CTNND2: variants seen among roughly 807,000 people sequenced by gnomAD.
The protein encoded by CTNND2 is catenin delta-2.
CTNND2 carries 22 observed loss-of-function variants against 144.4 expected under a neutral mutation model. The observed-to-expected ratio is 0.15, with a 90% CI of 0.11 to 0.22. CTNND2 has a LOEUF of 0.22. Ranked by LOEUF, CTNND2 falls within the 10% of genes least tolerant of loss-of-function variation. The probability of loss-of-function intolerance (pLI) is 1.00; values close to 1 mark genes in which losing one functional copy is unlikely to be tolerated. For missense variants in CTNND2, 1,353 were observed against 1,618.8 expected, an observed-to-expected ratio of 0.84 and a Z score of 2.82; for synonymous variants, 751 against 695.6, an observed-to-expected ratio of 1.08 and a Z score of -1.25.
intron 14 of CTNND2, 121 bp from the exon 15 acceptor site, chr5:11,098,869 A>T (rs1031181051): frequency 1.2e-6 from 1 of 851,316 alleles, no homozygotes; most frequent in African/African-American, 1.7e-5. Flanking sequence ...CTGAACATAG[A>T]CTGCACGGAG....
intron 18 of CTNND2, among the ~76,000 whole-genome samples, chr5:10,995,843 G>A (rs1048576033): frequency 6.6e-6 from 1 of 152,146 alleles, no homozygotes; most frequent in East Asian, 1.9e-4. Context: ...ACTGGTAGAT[G>A]GGGTGACAGG....
At position 11,415,297 on chromosome 5, in the gene CTNND2, T is replaced by C. The variant is rs1286085621; in HGVS notation, c.288-3228A>G. On this transcript the variant is annotated intron_variant, in intron 3 of 21. Transcript: ENST00000304623. ...CAGCCATTCTTTCAAAATCAAGTCA[T>C]GGTGGCGCTAGGCATGGTGACTCAT... 3.3e-5 allele frequency among the ~76,000 whole-genome samples: 5 copies of C among 152,270 alleles called. No individual in the cohort carries two copies. In the East Asian group the frequency reaches 9.7e-4, roughly 29 times the overall value.
intron 11 of CTNND2, among the ~76,000 whole-genome samples, chr5:11,185,539 C>A (rs1423101841): frequency 6.6e-6 from 1 of 152,224 alleles, no homozygotes; most frequent in Non-Finnish European, 1.5e-5. Flanking sequence ...TTCTTCTGGG[C>A]ATTCCCTGGG....
rs1399035059 is a variant in CTNND2, at chr5:11,879,914, G to GA, written c.37+23902dup. ...GGTCACATGGCCCACTCGGCCTGAC[G>GA]AAATAGGGACATACGACTCAATTTT... On this transcript the variant is annotated intron_variant, in intron 1 of 21. Coordinates refer to ENST00000304623, the MANE Select transcript of CTNND2 (RefSeq NM_001332.4). Among the ~76,000 whole-genome samples, 26 of 152,236 alleles carry GA rather than the reference G, an allele frequency of 1.7e-4. No homozygotes were observed. In the East Asian group the frequency reaches 4.1e-3, roughly 24 times the overall value.
intron 1 of CTNND2, among the ~76,000 whole-genome samples, chr5:11,893,146 C>T (rs1162918460): frequency 6.6e-6 from 1 of 152,162 alleles, no homozygotes; most frequent in Non-Finnish European, 1.5e-5. Context: ...ACTCTGTAAA[C>T]ATACAGTATT....
chr5:11,315,069 A>G (rs969420059), intron 9 of CTNND2, among the ~76,000 whole-genome samples: 2 of 152,004 alleles, frequency 1.3e-5, no homozygotes, highest in African/African-American at 4.8e-5. Flanking sequence ...ATAAATTCCC[A>G]GTTTTTTTAA....
At chr5:11,106,914 T>C (rs1481800126) in intron 14 of CTNND2, among the ~76,000 whole-genome samples, 1 of 152,152 alleles carries the variant, frequency 6.6e-6, no homozygotes, top group Non-Finnish European at 1.5e-5. Flanking sequence ...TTCCCCCATT[T>C]CTGCTCCTGA....
At chr5:11,551,738 A>G (rs917062157) in intron 3 of CTNND2, among the ~76,000 whole-genome samples, 14 of 152,208 alleles carry the variant, frequency 9.2e-5, no homozygotes, top group Admixed American at 2.6e-4. Context: ...AGCTGGGATT[A>G]CAGGCACCCG....
chr5:11,061,061 T>C lies in CTNND2; in HGVS notation c.2788+21635A>G, dbSNP rs149437084. Among the ~76,000 whole-genome samples, 708 of 152,346 alleles carry C rather than the reference T, an allele frequency of 4.6e-3. 8 individuals carry two copies. Among genetic ancestry groups the C allele is most frequent in the African/African-American group, 0.016 (670 of 41,588 alleles). On this transcript the variant is annotated intron_variant, in intron 16 of 21. Coordinates refer to ENST00000304623, the MANE Select transcript of CTNND2 (RefSeq NM_001332.4). ...TTTCTACGTGGCATGTCCCCTTTCATGTCTCACAGATATTTCAAACTTTCA... is the reference window on the plus strand; with the variant it reads ...TTTCTACGTGGCATGTCCCCTTTCACGTCTCACAGATATTTCAAACTTTCA...
intron 2 of CTNND2, among the ~76,000 whole-genome samples, chr5:11,731,359 AGATGTTCCTGGAGTCAGG>A (rs1345305047): frequency 3.9e-5 from 6 of 152,190 alleles, no homozygotes; most frequent in African/African-American, 1.4e-4. Flanking sequence ...CGCTCTGCTG[AGATGTTCCTGGAGTCAGG>A]TAAGTTGCCA....
At chr5:11,160,983 A>G (rs1387198415) in intron 11 of CTNND2, among the ~76,000 whole-genome samples, 1 of 152,246 alleles carries the variant, frequency 6.6e-6, no homozygotes, top group Non-Finnish European at 1.5e-5. Context: ...ACAGAGGCAA[A>G]CTCAACTGTC....
In CTNND2 at chr5:11,236,886, T is replaced by G. The variant is rs143745237; in HGVS notation, c.1629-63A>C. On this transcript the variant is annotated intron_variant, in intron 9 of 21. Transcript: ENST00000304623. ...GAAATCCTACCACACTGTTAACACATGGTTAGCTCGTGTATGAAATGTACC... is the reference window on the plus strand; with the variant it reads ...GAAATCCTACCACACTGTTAACACAGGGTTAGCTCGTGTATGAAATGTACC... 2.1e-4 allele frequency: 321 copies of G among 1,557,402 alleles called. 3 individuals are homozygous for G. The Middle Eastern group carries it at 2.8e-3, about 13-fold the overall frequency.
chr5:11,176,391 G>A (rs1760483425), intron 11 of CTNND2, among the ~76,000 whole-genome samples: 1 of 152,004 alleles, frequency 6.6e-6, no homozygotes, highest in African/African-American at 2.4e-5. Flanking sequence ...TTGGAAACAT[G>A]TAGCCACCGA....
At chr5:11,006,054 A>C (rs79934497) in intron 18 of CTNND2, among the ~76,000 whole-genome samples, 21,026 of 152,126 alleles carry the variant, frequency 0.14, 1,486 homozygotes, top group Non-Finnish European at 0.15. Flanking sequence ...CTATTAAAAA[A>C]AACAACAACA....
At position 11,708,320 on chromosome 5, in the gene CTNND2, G is replaced by A. The variant is rs140683325; in HGVS notation, c.174+23816C>T. 6.8e-3 allele frequency among the ~76,000 whole-genome samples: 1,042 copies of A among 152,126 alleles called. 10 individuals are homozygous for A. The highest frequency in any genetic ancestry group is 0.024 in the African/African-American group (976 of 41,490). On this transcript the variant is annotated intron_variant, in intron 2 of 21. Transcript: ENST00000304623. ...ATTTTTACTATAATATATAATGTGC[G>A]TCAGTTTGCTAAGGAAAAAAGCAAT... is the stretch of plus-strand genomic sequence containing the variant.
chr5:11,859,480 G>A (rs578229569), intron 1 of CTNND2, among the ~76,000 whole-genome samples: 67 of 152,214 alleles, frequency 4.4e-4, no homozygotes, highest in East Asian at 4.2e-3. Context: ...GTTCTTGAAC[G>A]AAAACAAGTT....
intron 1 of CTNND2, among the ~76,000 whole-genome samples, chr5:11,733,765 G>C (rs925024477): frequency 1.3e-5 from 2 of 152,172 alleles, no homozygotes; most frequent in African/African-American, 2.4e-5. Context: ...GTGAAAGAAA[G>C]CAGAAACTCA....
At chr5:11,823,261 A>C (rs1167410640) in intron 1 of CTNND2, among the ~76,000 whole-genome samples, 1 of 152,230 alleles carries the variant, frequency 6.6e-6, no homozygotes, top group Non-Finnish European at 1.5e-5. Context: ...TGAAAAGATG[A>C]AATTAAACAA....
intron 13 of CTNND2, among the ~76,000 whole-genome samples, chr5:11,115,649 A>G (rs1043145315): frequency 1.3e-5 from 2 of 152,222 alleles, no homozygotes; most frequent in Admixed American, 1.3e-4. Flanking sequence ...GTGAAAGGGG[A>G]ATGCTTACTC....
Sources: gnomAD v4.1 joint callset for allele counts (sites outside exome capture counted in the v4.1 genomes callset) on GRCh38, gnomAD v4.1.1 for gene constraint, MANE v1.5 for transcripts, NCBI Gene and HGNC (gene_info 2026-07-23, HGNC 2026-07-21) for gene names.